The following LRP2 variants were observed in gnomAD, a reference collection of about 807,000 sequenced individuals.
LRP2 encodes the protein low-density lipoprotein receptor-related protein 2.
Under a neutral mutation model 531.0 loss-of-function variants are expected in LRP2, and 172 were observed. The observed-to-expected ratio is 0.32, with a 90% CI of 0.29 to 0.37. LRP2 has a LOEUF of 0.37. Ranked by LOEUF, LRP2 falls within the 10% of genes least tolerant of loss-of-function variation. The pLI is 1.00. For missense variants in LRP2, 5,167 were observed against 5,868.3 expected (o/e 0.88, Z 3.90); for synonymous variants, 1,992 against 2,027.6 (o/e 0.98, Z 0.47).
intron 19 of LRP2, among the ~76,000 whole-genome samples, chr2:169,255,018 T>A (rs1690247322): frequency 1.3e-5 from 2 of 152,126 alleles, no homozygotes; most frequent in African/African-American, 4.8e-5. Context: ...ATATGCAATA[T>A]ACTTACTAAC....
At chr2:169,307,834 A>G (rs1481365706) in intron 3 of LRP2, among the ~76,000 whole-genome samples, 1 of 152,148 alleles carries the variant, frequency 6.6e-6, no homozygotes, top group Non-Finnish European at 1.5e-5. Flanking sequence ...ATTTTTTTCT[A>G]TATAGTTTCC....
intron 6 of LRP2, among the ~76,000 whole-genome samples, chr2:169,293,308 T>C (rs566364782): frequency 6.6e-6 from 1 of 152,300 alleles, no homozygotes; most frequent in African/African-American, 2.4e-5. Context: ...GTCATTTGCA[T>C]TGCAGGCAAC....
At chr2:169,326,797 A>G (rs1221432699) in intron 1 of LRP2, among the ~76,000 whole-genome samples, 22 of 131,046 alleles carry the variant, frequency 1.7e-4, no homozygotes, top group African/African-American at 4.3e-4. Flanking sequence ...CAGCCATCCC[A>G]TCTGGGAAGT....
chr2:169,343,977 T>C (rs149225067), intron 1 of LRP2, among the ~76,000 whole-genome samples: 1 of 152,336 alleles, frequency 6.6e-6, no homozygotes, highest in Admixed American at 6.5e-5. Flanking sequence ...TCAAAAGTTA[T>C]TCAAGATGCC....
In LRP2 at chr2:169,193,614, C is replaced by T. The variant is rs537820290; in HGVS notation, c.8830+147G>A. The T allele has an allele frequency of 4.7e-4, 466 of 992,650 alleles. 2 individuals are homozygous for T. The Middle Eastern group carries it at 7.1e-3, about 15-fold the overall frequency. The allele number at this position is 992,650 out of a possible 1,614,324, so 61.5% of individuals were successfully genotyped here. A position where few individuals can be genotyped will look rare whatever the true frequency, so the allele number is the denominator to read the frequency against. On this transcript the variant is annotated intron_variant, in intron 47 of 78. Coordinates refer to ENST00000649046, the MANE Select transcript of LRP2 (RefSeq NM_004525.3). ...TTTAAGTGGATGATATCAAACACTC[C>T]CAGCATGGAGAAACAAAGGTAACAT... is the stretch of plus-strand genomic sequence containing the variant.
chr2:169,223,940 G>T (rs1427754760), intron 33 of LRP2, among the ~76,000 whole-genome samples: 1 of 152,146 alleles, frequency 6.6e-6, no homozygotes, highest in Non-Finnish European at 1.5e-5. Context: ...TCCAGTGAGA[G>T]CTCTTTTCTC....
In LRP2 at chr2:169,241,227, T is replaced by C. The variant is rs1689791903; in HGVS notation, c.3806A>G (p.Lys1269Arg). 3.7e-6 allele frequency: 6 copies of C among 1,614,064 alleles called. No homozygotes were observed. The highest frequency in any genetic ancestry group is 1.3e-5 in the African/African-American group (1 of 74,912). ...GTGGAAATATGATGAAGGGCAAGTC[T>C]TGGGGACACAGGCATTGTGCTCATC... is the stretch of plus-strand genomic sequence containing the variant. The part of the protein sequence containing the change: ...GSDEHNACVP[K>R]TCPSSYFHCD... Residue 1269 changes from lysine (K) to arginine (R), a missense_variant, in exon 25 of 79, where the codon AAG (lysine) becomes AGG (arginine). This residue lies in a region of LRP2 where 2,811 missense variants were observed against 3,058.0 expected (regional missense o/e 0.92). Transcript: ENST00000649046.
intron 31 of LRP2, among the ~76,000 whole-genome samples, chr2:169,230,888 A>G (rs1384404715): frequency 6.6e-6 from 1 of 152,234 alleles, no homozygotes; most frequent in African/African-American, 2.4e-5. Context: ...AATATCTCAT[A>G]CCAACACAAT....
chr2:169,275,437 G>T, intron 13 of LRP2, 199 bp from the exon 14 acceptor site: 4 of 570,866 alleles, frequency 7.0e-6, no homozygotes, highest in Non-Finnish European at 1.2e-5. Context: ...TTGTCTCTTG[G>T]AAAAGACCCT....
In LRP2 at chr2:169,191,907, T is replaced by C. The variant is rs747540770; in HGVS notation, c.8957A>G (p.Gln2986Arg). ...VDCTDGYDEN[Q>R]NCTRRTCSEN... The stretch of plus-strand genomic sequence containing the variant: ...AGAGCAAGTTCTCCTGGTGCAATTC[T>C]GATTCTCATCGTAGCCGTCAGTACA... Residue 2986 changes from glutamine (Q) to arginine (R), a missense_variant, in exon 48 of 79, where the codon CAG becomes CGG. Physicochemically the swap from Gln to Arg is conservative, Grantham distance 43. Coordinates refer to ENST00000649046, the MANE Select transcript of LRP2 (RefSeq NM_004525.3). 1.2e-6 allele frequency: 2 copies of C among 1,614,082 alleles called. No homozygotes were observed. The highest frequency in any genetic ancestry group is 2.2e-5 in the South Asian group (2 of 91,086).
intron 31 of LRP2, among the ~76,000 whole-genome samples, chr2:169,231,032 G>A (rs1021052668): frequency 6.6e-5 from 10 of 152,142 alleles, no homozygotes; most frequent in South Asian, 6.2e-4. Context: ...AGTGGTCCAC[G>A]TCTGTAATCC....
At chr2:169,220,959 C>A (rs1688970580) in intron 33 of LRP2, among the ~76,000 whole-genome samples, 1 of 152,120 alleles carries the variant, frequency 6.6e-6, no homozygotes, top group Non-Finnish European at 1.5e-5. Flanking sequence ...CTGCACCCCA[C>A]CAAGGCACTC....
At chr2:169,288,002 A>G (rs1273382324) in intron 9 of LRP2, among the ~76,000 whole-genome samples, 13 of 152,136 alleles carry the variant, frequency 8.5e-5, no homozygotes, top group Non-Finnish European at 1.9e-4. Context: ...TCAAAAGAAT[A>G]TAAATATCCT....
chr2:169,326,452 G>C (rs1012708657), intron 1 of LRP2, among the ~76,000 whole-genome samples: 1 of 151,516 alleles, frequency 6.6e-6, no homozygotes. Context: ...TCCTAACCGC[G>C]AGTGATCCGC....
chr2:169,361,114 G>A (rs1231407997), intron 1 of LRP2, among the ~76,000 whole-genome samples: 1 of 152,104 alleles, frequency 6.6e-6, no homozygotes, highest in African/African-American at 2.4e-5. Context: ...GGGAGGGAAG[G>A]AGCAGGAGGG....
Position 169,185,997 on chromosome 2 carries a change from A to G in LRP2, c.9351T>C (p.Pro3117=), listed in dbSNP as rs764099407. 3.1e-6 allele frequency: 5 copies of G among 1,613,814 alleles called. No homozygotes were observed. The highest frequency in any genetic ancestry group is 4.2e-6 in the Non-Finnish European group (5 of 1,179,922). The change falls in exon 50 of 79, where the codon CCT becomes CCC. Residue 3117 remains proline, a synonymous_variant. Coordinates refer to ENST00000649046, the MANE Select transcript of LRP2 (RefSeq NM_004525.3). ...AGTTGTGATCGCAGCCACTGATTGA[A>G]GGGTCATGGCATTCATTAATGCCTG... ...KGCGINECHD[P]SISGCDHNCT...
intron 20 of LRP2, 101 bp downstream of exon 20, chr2:169,247,277 C>T: frequency 8.0e-7 from 1 of 1,254,466 alleles, no homozygotes; most frequent in Non-Finnish European, 1.1e-6. Flanking sequence ...CTACCAGGAG[C>T]TAGACCTTTA....
At chr2:169,255,145 C>A (rs930706961) in intron 19 of LRP2, among the ~76,000 whole-genome samples, 2 of 152,114 alleles carry the variant, frequency 1.3e-5, no homozygotes, top group African/African-American at 4.8e-5. Flanking sequence ...ACCAGGGACA[C>A]AACTAGCATA....
intron 59 of LRP2, 101 bp from the exon 60 acceptor site, chr2:169,169,919 C>A (rs1381177279): frequency 6.1e-6 from 5 of 825,972 alleles, no homozygotes; most frequent in Non-Finnish European, 1.0e-5. Context: ...CCTATCTACA[C>A]CCTGTGACTG....
Sources: gnomAD v4.1 joint callset for allele counts (sites outside exome capture counted in the v4.1 genomes callset) on GRCh38, gnomAD v4.1.1 for gene constraint, gnomAD v4.1.1 regional missense constraint, MANE v1.5 for transcripts, NCBI Gene and HGNC (gene_info 2026-07-23, HGNC 2026-07-21) for gene names.